Variants in KRT23 observed in about 807,000 individuals in gnomAD.
The protein encoded by KRT23 is keratin 23, also known as keratin, type I cytoskeletal 23.
In KRT23, 38 loss-of-function variants were observed where a neutral mutation model predicts 47.6. The observed-to-expected ratio is 0.80, with a 90% CI of 0.62 to 1.05. The LOEUF is 1.05. Among genes scored for constraint, KRT23 ranks in the 50% least tolerant of loss-of-function variants. The probability of loss-of-function intolerance (pLI) is 0.00; values close to 1 mark genes in which losing one functional copy is unlikely to be tolerated. For missense variants in KRT23, 503 were observed against 529.5 expected (o/e 0.95, Z 0.49); for synonymous variants, 191 against 199.0 (o/e 0.96, Z 0.34).
chr17:40,936,483 C>A lies in KRT23; in HGVS notation c.121G>T (p.Ala41Ser), dbSNP rs34861030. 0.014 allele frequency: 22,265 copies of A among 1,571,108 alleles called. 373 individuals are homozygous for A. Among genetic ancestry groups the A allele is most frequent in the East Asian group, 0.062 (2,739 of 44,508 alleles). ...APTVHGGAGG[A>S]RISLSFTTRS... ...GTGGTGAAGGACAGGGAGATGCGGG[C>A]TCCCCCCGCACCGCCATGGACGGTG... is the stretch of plus-strand genomic sequence containing the variant. The change falls in exon 2 of 9, where the codon GCC (alanine) becomes TCC (serine). Residue 41 changes from alanine to serine, a missense_variant. Transcript: ENST00000209718.
In KRT23 at chr17:40,924,522, T is replaced by C. The variant is rs371612996; in HGVS notation, c.1143-19A>G. ...CCGTGTCCTATAAAAGTGATAAAGGTTAAAGCTCACTTTAGTATTAGCAAC... is the reference window on the plus strand; with the variant it reads ...CCGTGTCCTATAAAAGTGATAAAGGCTAAAGCTCACTTTAGTATTAGCAAC... On this transcript the variant is annotated intron_variant, in intron 7 of 8. Transcript: ENST00000209718. 8.1e-6 allele frequency: 13 copies of C among 1,608,778 alleles called. No homozygotes were observed. In the African/African-American group the frequency reaches 1.7e-4, roughly 21 times the overall value.
At chr17:40,937,258 C>T (rs1329771253) in intron 1 of KRT23, 88 bp downstream of exon 1, 1 of 152,178 alleles carries the variant, frequency 6.6e-6, no homozygotes, top group East Asian at 1.9e-4. Context: ...TTGTGGCAGT[C>T]ACTGTTTGAA....
intron 6 of KRT23, among the ~76,000 whole-genome samples, chr17:40,927,014 G>A (rs1234127283): frequency 1.3e-5 from 2 of 151,884 alleles, no homozygotes; most frequent in Non-Finnish European, 2.9e-5. Flanking sequence ...TGCACTTGCT[G>A]TTCCCTCCTC....
At position 40,936,195 on chromosome 17, in the gene KRT23, C is replaced by T; in HGVS notation, c.396+13G>A. ...AGCCCCATCTGGATCTCCAGGGTCA[C>T]CCAGCATCTTACCTGCTCCTGCAGG... On this transcript the variant is annotated intron_variant, in intron 2 of 8. Transcript: ENST00000209718. The T allele has an allele frequency of 6.2e-7, 1 of 1,613,908 alleles. No individual in the cohort carries two copies. Among genetic ancestry groups the T allele is most frequent in the Non-Finnish European group, 8.5e-7 (1 of 1,179,972 alleles).
Position 40,923,098 on chromosome 17 carries a change from A to G in KRT23, c.1175-15T>C. 1 of 1,568,824 alleles carries G rather than the reference A, an allele frequency of 6.4e-7. No individual in the cohort carries two copies. Among genetic ancestry groups the G allele is most frequent in the Non-Finnish European group, 8.8e-7 (1 of 1,138,904 alleles). ...AGTTGCAGACACTGAGAAAAAGAGC[A>G]TGGAAGATGTCACTGCCATGCTTCT... On this transcript the variant is annotated splice_polypyrimidine_tract_variant and intron_variant, in intron 8 of 8. Coordinates refer to ENST00000209718, the MANE Select transcript of KRT23 (RefSeq NM_015515.5).
rs752699246 is a variant in KRT23 at position 40,936,827 on chromosome 17, C to T, written c.-224G>A. 4.1e-5 allele frequency: 17 copies of T among 413,788 alleles called. No individual in the cohort carries two copies. The highest frequency in any genetic ancestry group is 7.2e-5 in the Non-Finnish European group (17 of 236,054). 25.6% of individuals were successfully genotyped at this position (413,788 alleles called of 1,614,324 possible). ...CGCACACTGTTGTTGTTTAGAGCCACATCAATATGACAGTTTGCTTCCTCC... is the reference window on the plus strand; with the variant it reads ...CGCACACTGTTGTTGTTTAGAGCCATATCAATATGACAGTTTGCTTCCTCC... On this transcript the variant is annotated 5_prime_UTR_variant, in exon 2 of 9. It adds an upstream start codon to the 5' untranslated region. Transcript: ENST00000209718.
Position 40,922,922 on chromosome 17 carries a change from G to T in KRT23, c.*67C>A. ...GGGTATCTTTTAGAACTCACTCACTGGTGTCTGTGCAAGGACTTTCCTTGG... is the reference window on the plus strand; with the variant it reads ...GGGTATCTTTTAGAACTCACTCACTTGTGTCTGTGCAAGGACTTTCCTTGG... On this transcript the variant is annotated 3_prime_UTR_variant, in exon 9 of 9. Transcript: ENST00000209718. The T allele has an allele frequency of 4.6e-6, 5 of 1,081,610 alleles. No homozygotes were observed. The Admixed American group carries it at 7.1e-5, about 15-fold the overall frequency. 67.0% of individuals were successfully genotyped at this position (1,081,610 alleles called of 1,614,324 possible). A position where few individuals can be genotyped will look rare whatever the true frequency, so the allele number is the denominator to read the frequency against.
At chr17:40,931,510 A>T in intron 2 of KRT23, 55 bp from the exon 3 acceptor site, 1 of 1,257,278 alleles carries the variant, frequency 8.0e-7, no homozygotes, top group South Asian at 1.2e-5. Context: ...ACACCCACAC[A>T]TGACCGCTGC....
chr17:40,925,615 T>C lies in KRT23; in HGVS notation c.922-41A>G, dbSNP rs1311750473. 5.6e-6 allele frequency: 8 copies of C among 1,435,022 alleles called. No homozygotes were observed. The East Asian group carries it at 1.9e-4, about 34-fold the overall frequency. The allele number at this position is 1,435,022 out of a possible 1,614,324, so 88.9% of individuals were successfully genotyped here. The stretch of plus-strand genomic sequence containing the variant: ...ATCTTCTGTTAATTAACTGATGGCT[T>C]GATTGAGTCAATAACAGGTGATTGT... On this transcript the variant is annotated intron_variant, in intron 6 of 8. Transcript: ENST00000209718.
chr17:40,936,324 C>T lies in KRT23; in HGVS notation c.280G>A (p.Glu94Lys), dbSNP rs1314628779. 6.2e-7 allele frequency: 1 copy of T among 1,614,238 alleles called. No homozygotes were observed. Among genetic ancestry groups the T allele is most frequent in the East Asian group, 2.2e-5 (1 of 44,882 alleles). Residue 94 changes from glutamate to lysine, a missense_variant, in exon 2 of 9, where the codon GAG (glutamate) becomes AAG (lysine). By Grantham distance (56) the Glu-to-Lys change is moderately conservative (BLOSUM62 1). Transcript: ENST00000209718. ...ASYLEKVRAL[E>K]EANMKLESRI... ...CTTTCCAGCTTCATGTTGGCCTCCT[C>T]CAGGGCGCGAACCTTCTCCAGGTAG...
chr17:40,923,134 G>A, intron 8 of KRT23, 51 bp from the exon 9 acceptor site: 2 of 1,352,092 alleles, frequency 1.5e-6, no homozygotes, highest in Non-Finnish European at 2.1e-6. Context: ...TCCACCATCT[G>A]AACTGTACTC....
intron 2 of KRT23, among the ~76,000 whole-genome samples, chr17:40,933,165 AGGTTC>A (rs905860042): frequency 1.3e-5 from 2 of 152,202 alleles, no homozygotes; most frequent in Non-Finnish European, 1.5e-5. Flanking sequence ...GAACATCCCC[AGGTTC>A]TATATGCTGA....
intron 4 of KRT23, 110 bp downstream of exon 4, chr17:40,929,830 G>T: frequency 1.1e-6 from 1 of 884,750 alleles, no homozygotes; most frequent in Non-Finnish European, 1.7e-6. Flanking sequence ...TAGGGTGAAG[G>T]ACAAGGGGAT....
chr17:40,934,496 C>T (rs962825804), intron 2 of KRT23, among the ~76,000 whole-genome samples: 21 of 152,138 alleles, frequency 1.4e-4, no homozygotes, highest in Non-Finnish European at 2.8e-4. Flanking sequence ...TCTCAGTCTC[C>T]TTATCTGTAA....
chr17:40,927,313 T>C (rs1909288127), intron 6 of KRT23, among the ~76,000 whole-genome samples: 1 of 152,244 alleles, frequency 6.6e-6, no homozygotes, highest in Non-Finnish European at 1.5e-5. Flanking sequence ...AAAATGGGTA[T>C]ACATGCCTCG....
At chr17:40,930,242 G>T in intron 3 of KRT23, 146 bp from the exon 4 acceptor site, 4 of 648,180 alleles carry the variant, frequency 6.2e-6, no homozygotes, top group Non-Finnish European at 1.0e-5. Flanking sequence ...TTTTATGCCA[G>T]TTTCATGCTA....
At chr17:40,935,367 A>G (rs752870936) in intron 2 of KRT23, among the ~76,000 whole-genome samples, 6 of 152,162 alleles carry the variant, frequency 3.9e-5, no homozygotes, top group Non-Finnish European at 7.4e-5. Flanking sequence ...ACTGCTTTAT[A>G]TAAGAGGGGA....
At position 40,936,671 on chromosome 17, in the gene KRT23, C is replaced by T; in HGVS notation, c.-68G>A. 13 of 1,416,992 alleles carry T rather than the reference C, an allele frequency of 9.2e-6. No individual in the cohort carries two copies. The highest frequency in any genetic ancestry group is 1.7e-5 in the South Asian group (1 of 58,342). 87.8% of individuals were successfully genotyped at this position (1,416,992 alleles called of 1,614,324 possible). A position where few individuals can be genotyped will look rare whatever the true frequency, so the allele number is the denominator to read the frequency against. On this transcript the variant is annotated 5_prime_UTR_variant, in exon 2 of 9. Coordinates refer to ENST00000209718, the MANE Select transcript of KRT23 (RefSeq NM_015515.5). ...CCCTGGCACCGCAGAACTGAGCCGCCCCAGACTGCCCTGGATGGTTTTATG... is the reference window on the plus strand; with the variant it reads ...CCCTGGCACCGCAGAACTGAGCCGCTCCAGACTGCCCTGGATGGTTTTATG...
intron 4 of KRT23, chr17:40,928,829 C>T: frequency 4.0e-6 from 2 of 498,950 alleles, no homozygotes; most frequent in South Asian, 3.2e-5. Context: ...TCTTTGAGAC[C>T]AACCTGACCA....
Sources: gnomAD v4.1 joint callset for allele counts (sites outside exome capture counted in the v4.1 genomes callset) on GRCh38, gnomAD v4.1.1 for gene constraint, MANE v1.5 for transcripts, NCBI Gene and HGNC (gene_info 2026-07-23, HGNC 2026-07-21) for gene names.